Variants in C2orf74 observed in about 807,000 individuals in gnomAD.
C2orf74 encodes uncharacterized protein C2orf74.
Under a neutral mutation model 17.9 loss-of-function variants are expected in C2orf74, and 14 were observed. That is an observed-to-expected ratio of 0.78 (90% confidence interval 0.52 to 1.22). The LOEUF (loss-of-function observed/expected upper bound fraction) is 1.22, where lower values mean the gene tolerates loss of function less well. C2orf74 is among the 50% of genes most tolerant of loss of function. The pLI is 0.00. For missense variants in C2orf74, 217 were observed against 218.4 expected (o/e 0.99, Z 0.04); for synonymous variants, 79 against 72.6 (o/e 1.09, Z -0.44).
chr2:61,146,539 T>C (rs1685074285), intron 1 of C2orf74, among the ~76,000 whole-genome samples: 1 of 151,838 alleles, frequency 6.6e-6, no homozygotes, highest in Non-Finnish European at 1.5e-5. Flanking sequence ...TAGAAACATA[T>C]AATATTAAAA....
intron 4 of C2orf74, among the ~76,000 whole-genome samples, chr2:61,163,641 G>A (rs780512001): frequency 9.2e-5 from 14 of 151,548 alleles, no homozygotes; most frequent in South Asian, 2.1e-4. Flanking sequence ...ATAATAATAG[G>A]AGATGGAGTT....
At chr2:61,146,494 A>G (rs1685073008) in intron 1 of C2orf74, among the ~76,000 whole-genome samples, 1 of 152,216 alleles carries the variant, frequency 6.6e-6, no homozygotes, top group South Asian at 2.1e-4. Flanking sequence ...CATTAAAAAC[A>G]AAAATAACAC....
At position 61,162,536 on chromosome 2, in the gene C2orf74, A is replaced by G. The variant is rs144836149; in HGVS notation, c.22A>G (p.Ile8Val). The G allele has an allele frequency of 4.8e-5, 74 of 1,551,774 alleles. No homozygotes were observed. In the East Asian group the frequency reaches 6.8e-4, roughly 14 times the overall value. Residue 8 changes from isoleucine (I) to valine (V), a missense_variant, in exon 2 of 5, where the codon ATC (isoleucine) becomes GTC (valine). Ile to Val is a conservative substitution (Grantham distance 29). Transcript: ENST00000432605. ...ACCTATGAGCTTTGAAACCACAGCAATCACTTTCTTCATCATCCTTCTAAT... is the reference window on the plus strand; with the variant it reads ...ACCTATGAGCTTTGAAACCACAGCAGTCACTTTCTTCATCATCCTTCTAAT... MSFETTA[I>V]TFFIILLICL...
intron 1 of C2orf74, among the ~76,000 whole-genome samples, chr2:61,146,485 A>G (rs562107921): frequency 7.2e-5 from 11 of 152,334 alleles, no homozygotes; most frequent in Non-Finnish European, 1.3e-4. Context: ...AATGCTGTTC[A>G]TTAAAAACAA....
chr2:61,154,421 T>G (rs560196747), intron 1 of C2orf74, among the ~76,000 whole-genome samples: 16 of 152,234 alleles, frequency 1.1e-4, no homozygotes, highest in Admixed American at 2.6e-4. Flanking sequence ...GTGTCCTGAA[T>G]GGGGTCCTGG....
At chr2:61,163,253 CAAA>C (rs995844557) in intron 4 of C2orf74, 21 bp downstream of exon 4, 5 of 1,544,382 alleles carry the variant, frequency 3.2e-6, no homozygotes, top group Non-Finnish European at 4.4e-6. Context: ...TTTCTACTCT[CAAA>C]GAGCAGTTTA....
intron 1 of C2orf74, among the ~76,000 whole-genome samples, chr2:61,150,332 C>T (rs1685188312): frequency 6.6e-6 from 1 of 152,194 alleles, no homozygotes; most frequent in African/African-American, 2.4e-5. Flanking sequence ...ACACTAAGAG[C>T]ACCTCCAGCA....
chr2:61,162,982 G>C, intron 3 of C2orf74, 27 bp downstream of exon 3: 1 of 1,551,946 alleles, frequency 6.4e-7, no homozygotes, highest in Non-Finnish European at 8.7e-7. Context: ...ATGTGGCAGA[G>C]GCCATTTTGT....
intron 1 of C2orf74, among the ~76,000 whole-genome samples, chr2:61,150,469 C>T (rs988796716): frequency 1.3e-5 from 2 of 152,118 alleles, no homozygotes; most frequent in African/African-American, 2.4e-5. Flanking sequence ...GATCATCCTG[C>T]GATGTTGAGA....
intron 1 of C2orf74, among the ~76,000 whole-genome samples, chr2:61,155,437 T>G (rs1199426210): frequency 1.3e-5 from 2 of 152,216 alleles, no homozygotes; most frequent in Non-Finnish European, 2.9e-5. Context: ...GGTCTTCAAA[T>G]GAATGCAATT....
At chr2:61,150,687 G>A (rs1313435138) in intron 1 of C2orf74, among the ~76,000 whole-genome samples, 1 of 152,196 alleles carries the variant, frequency 6.6e-6, no homozygotes, top group African/African-American at 2.4e-5. Flanking sequence ...CATAGGGCCA[G>A]TAGGAAAGCC....
chr2:61,155,587 C>G (rs1559182490), intron 1 of C2orf74, among the ~76,000 whole-genome samples: 2 of 152,044 alleles, frequency 1.3e-5, no homozygotes. Flanking sequence ...GTGGCGCGAT[C>G]TCGGCTCACT....
chr2:61,163,220 T>C lies in C2orf74; in HGVS notation c.378T>C (p.Thr126=). Residue 126 remains threonine (T), a synonymous_variant, in exon 4 of 5, where the codon ACT becomes ACC. Coordinates refer to ENST00000432605, the MANE Select transcript of C2orf74 (RefSeq NM_001143959.4). The part of the protein sequence containing the change: ...EKQEPENAGE[T]GQEEDDGLQK... ...AAGAGCCTGAGAATGCTGGAGAAAC[T>C]GGTCAAGAAGAGGTGATGTGTTTTT... 1 of 1,551,400 alleles carries C rather than the reference T, an allele frequency of 6.4e-7. No individual in the cohort carries two copies. The highest frequency in any genetic ancestry group is 8.7e-7 in the Non-Finnish European group (1 of 1,146,872).
Position 61,163,055 on chromosome 2 carries a change from C to G in C2orf74, c.213C>G (p.Ile71Met). The change falls in exon 4 of 5, where the codon ATC (isoleucine) becomes ATG (methionine). Residue 71 changes from isoleucine (I) to methionine (M), a missense_variant. Physicochemically the swap from Ile to Met is conservative, Grantham distance 10. Transcript: ENST00000432605. ...VTSNPEDHER[I>M]LMQVMNLNVP... ...ACTCTACCGATTAATTTTCTAGGAT[C>G]TTAATGCAAGTCATGAACTTGAATG... 1 of 1,552,106 alleles carries G rather than the reference C, an allele frequency of 6.4e-7. No individual in the cohort carries two copies. Among genetic ancestry groups the G allele is most frequent in the Non-Finnish European group, 8.7e-7 (1 of 1,147,038 alleles).
chr2:61,159,206 C>T (rs1384996223), upstream of C2orf74: 3 of 252,514 alleles, frequency 1.2e-5, no homozygotes, highest in Non-Finnish European at 2.4e-5. Flanking sequence ...CCATGTTAGC[C>T]AGGATGGCCT....
At chr2:61,153,279 AATTTATTT>A (rs564373737) in intron 1 of C2orf74, among the ~76,000 whole-genome samples, 1 of 151,972 alleles carries the variant, frequency 6.6e-6, no homozygotes, top group Non-Finnish European at 1.5e-5. Context: ...AAAGATGTGA[AATTTATTT>A]ATTTATTTTT....
At chr2:61,154,331 A>G (rs979627811) in intron 1 of C2orf74, among the ~76,000 whole-genome samples, 1 of 152,196 alleles carries the variant, frequency 6.6e-6, no homozygotes, top group African/African-American at 2.4e-5. Context: ...AAAGCTGTCA[A>G]GGTCATCAAA....
In C2orf74 at chr2:61,162,859, G is replaced by A; in HGVS notation, c.113G>A (p.Gly38Asp). 1 of 1,552,182 alleles carries A rather than the reference G, an allele frequency of 6.4e-7. No individual in the cohort carries two copies. Among genetic ancestry groups the A allele is most frequent in the Non-Finnish European group, 8.7e-7 (1 of 1,147,026 alleles). ...GTTTTCAGTTTCCAAGGCAGGAAAGGTAAAGAGACAAAGAAAGTGCCTTGT... is the reference window on the plus strand; with the variant it reads ...GTTTTCAGTTTCCAAGGCAGGAAAGATAAAGAGACAAAGAAAGTGCCTTGT... ...FLYKCFQGRK[G>D]KETKKVPCTD... The change falls in exon 3 of 5, where the codon GGT (glycine) becomes GAT (aspartate). Residue 38 changes from glycine to aspartate, a missense_variant. Transcript: ENST00000432605.
upstream of C2orf74, among the ~76,000 whole-genome samples, chr2:61,160,513 CTT>C (rs111229188): frequency 1.4e-5 from 2 of 144,618 alleles, no homozygotes; most frequent in Admixed American, 7.0e-5. Flanking sequence ...GTATATACCA[CTT>C]TTTTTTTTTT....
Sources: allele counts gnomAD v4.1 joint callset (sites outside exome capture counted in the v4.1 genomes callset), GRCh38; gene constraint gnomAD v4.1.1; transcripts MANE v1.5; gene names NCBI Gene and HGNC (gene_info 2026-07-23, HGNC 2026-07-21).